ABCA13: variants seen among roughly 807,000 people sequenced by gnomAD.
ABCA13 encodes the protein ATP-binding cassette sub-family A member 13.
ABCA13 carries 476 observed loss-of-function variants against 478.7 expected under a neutral mutation model. That is an observed-to-expected ratio of 0.99 (90% CI 0.92 to 1.07). The LOEUF is 1.07. ABCA13 is among the 50% of genes least tolerant of loss of function. The pLI, the probability that ABCA13 is intolerant of heterozygous loss-of-function variation, is 0.00. For missense variants in ABCA13, 6,060 were observed against 5,910.6 expected (o/e 1.03, Z -0.83); for synonymous variants, 2,252 against 2,158.9 (o/e 1.04, Z -1.20).
intron 2 of ABCA13, among the ~76,000 whole-genome samples, chr7:48,193,976 G>T: frequency 6.8e-6 from 1 of 146,838 alleles, no homozygotes; most frequent in African/African-American, 2.5e-5. Context: ...AGATGATGGT[G>T]ATGATGATGG....
intron 42 of ABCA13, among the ~76,000 whole-genome samples, chr7:48,432,128 A>G (rs1822230913): frequency 6.6e-6 from 1 of 152,200 alleles, no homozygotes; most frequent in Admixed American, 6.5e-5. Flanking sequence ...GTTAAAGAAA[A>G]CAAGTAATGC....
intron 23 of ABCA13, among the ~76,000 whole-genome samples, chr7:48,305,517 C>G (rs918861470): frequency 3.3e-5 from 5 of 152,198 alleles, no homozygotes; most frequent in Non-Finnish European, 7.3e-5. Context: ...GACTCTCTCT[C>G]CCCATCATCT....
chr7:48,181,684 C>T (rs541805124), intron 1 of ABCA13, among the ~76,000 whole-genome samples: 12 of 152,042 alleles, frequency 7.9e-5, no homozygotes, highest in East Asian at 1.9e-4. Flanking sequence ...TTTTGGACTT[C>T]CTATGCCACT....
At chr7:48,219,565 T>C in intron 4 of ABCA13, 60 bp downstream of exon 4, 1 of 1,547,030 alleles carries the variant, frequency 6.5e-7, no homozygotes, top group South Asian at 1.3e-5. Flanking sequence ...AGGAGAGCTG[T>C]GGAGGCTATG....
At chr7:48,410,132 G>A (rs1191541878) in intron 39 of ABCA13, among the ~76,000 whole-genome samples, 1 of 146,546 alleles carries the variant, frequency 6.8e-6, no homozygotes, top group East Asian at 2.0e-4. Flanking sequence ...GAGGACTTTA[G>A]TATCTGAGGA....
intron 7 of ABCA13, 72 bp downstream of exon 7, chr7:48,230,027 G>A (rs1252922352): frequency 6.9e-7 from 1 of 1,454,888 alleles, no homozygotes; most frequent in Non-Finnish European, 9.2e-7. Context: ...AGTTGACATA[G>A]AGCTAAAATG....
intron 48 of ABCA13, among the ~76,000 whole-genome samples, chr7:48,493,695 A>G (rs1248192440): frequency 6.6e-6 from 1 of 152,238 alleles, no homozygotes; most frequent in African/African-American, 2.4e-5. Context: ...AATGTCATGA[A>G]CAAGCCAGAT....
At chr7:48,421,081 C>G (rs1240668619) in intron 41 of ABCA13, among the ~76,000 whole-genome samples, 1 of 152,334 alleles carries the variant, frequency 6.6e-6, no homozygotes. Context: ...CTGCTCCTGG[C>G]TGCCTGCTAC....
At position 48,639,056 on chromosome 7, in the gene ABCA13, G is replaced by A. The variant is rs17631762; in HGVS notation, c.14838-4232G>A. ...GAGATAGCAGCATCAGTATTTTGTGGGGATTAATTGGGATAATGTGTTTGG... is the reference window on the plus strand; with the variant it reads ...GAGATAGCAGCATCAGTATTTTGTGAGGATTAATTGGGATAATGTGTTTGG... On this transcript the variant is annotated intron_variant, in intron 59 of 61. Transcript: ENST00000435803. Among the ~76,000 whole-genome samples, 1,303 of 152,232 alleles carry A rather than the reference G, an allele frequency of 8.6e-3. 13 individuals carry two copies. The highest frequency in any genetic ancestry group is 0.014 in the Non-Finnish European group (975 of 68,022).
chr7:48,195,930 C>G (rs1797866724), intron 2 of ABCA13, among the ~76,000 whole-genome samples: 1 of 151,906 alleles, frequency 6.6e-6, no homozygotes, highest in Non-Finnish European at 1.5e-5. Flanking sequence ...TGAGGAGGGC[C>G]AGGCTGCAGC....
chr7:48,365,967 A>G (rs773401665), intron 31 of ABCA13, among the ~76,000 whole-genome samples: 5 of 152,170 alleles, frequency 3.3e-5, no homozygotes, highest in Non-Finnish European at 4.4e-5. Context: ...TAAAATACCA[A>G]TGACATTCCT....
At chr7:48,306,255 G>A (rs1250807137) in intron 23 of ABCA13, among the ~76,000 whole-genome samples, 1 of 152,144 alleles carries the variant, frequency 6.6e-6, no homozygotes, top group Admixed American at 6.5e-5. Flanking sequence ...AAAATTTCAG[G>A]ACAAATATTT....
At chr7:48,189,645 G>A (rs941788249) in intron 1 of ABCA13, among the ~76,000 whole-genome samples, 1 of 152,108 alleles carries the variant, frequency 6.6e-6, no homozygotes, top group Non-Finnish European at 1.5e-5. Flanking sequence ...GATCGGATGT[G>A]GATTTTTAAG....
intron 58 of ABCA13, among the ~76,000 whole-genome samples, chr7:48,614,281 C>T (rs971349320): frequency 2.0e-5 from 3 of 151,152 alleles, no homozygotes; most frequent in African/African-American, 2.4e-5. Context: ...TATTTTTGTA[C>T]TATTGCTAAA....
In ABCA13 at chr7:48,412,425, C is replaced by G; in HGVS notation, c.12301C>G (p.Gln4101Glu). Residue 4101 changes from glutamine (Q) to glutamate (E), a missense_variant, in exon 41 of 62, where the codon CAA (glutamine) becomes GAA (glutamate). Physicochemically the swap from Gln to Glu is conservative, Grantham distance 29 (BLOSUM62 2). This residue lies in a region of ABCA13 where 1,627 missense variants were observed against 1,571.0 expected (regional missense o/e 1.04). Transcript: ENST00000435803. The stretch of plus-strand genomic sequence containing the variant: ...ATCCCTGATAAAGATCTATATTCCA[C>G]AAGCATTTCTCAAAGACAGCAGTGG... ...VTSLIKIYIP[Q>E]AFLKDSSGSE... is the part of the protein sequence containing the mutation. The G allele has an allele frequency of 1.2e-6, 2 of 1,613,542 alleles. No individual in the cohort carries two copies. Among genetic ancestry groups the G allele is most frequent in the Non-Finnish European group, 1.7e-6 (2 of 1,179,838 alleles).
chr7:48,626,689 A>T (rs1183236129), intron 59 of ABCA13: 1 of 985,334 alleles, frequency 1.0e-6, no homozygotes, highest in Non-Finnish European at 1.2e-6. Flanking sequence ...AGAACACGAT[A>T]ATAGAACTTT....
At chr7:48,443,833 A>G (rs1823940644) in intron 42 of ABCA13, among the ~76,000 whole-genome samples, 1 of 151,868 alleles carries the variant, frequency 6.6e-6, no homozygotes, top group Non-Finnish European at 1.5e-5. Flanking sequence ...GAATAAATCC[A>G]TCCACCTCCC....
intron 52 of ABCA13, among the ~76,000 whole-genome samples, chr7:48,517,588 C>T (rs1832225952): frequency 6.6e-6 from 1 of 152,184 alleles, no homozygotes; most frequent in Non-Finnish European, 1.5e-5. Flanking sequence ...ACTCCTGTCT[C>T]CTCCCTTAGT....
chr7:48,255,944 C>T (rs998611464), intron 15 of ABCA13, among the ~76,000 whole-genome samples: 1 of 152,034 alleles, frequency 6.6e-6, no homozygotes, highest in African/African-American at 2.4e-5. Context: ...TAAGTGTTCC[C>T]GTTTCTCCAC....
Sources: gnomAD v4.1 joint callset for allele counts (sites outside exome capture counted in the v4.1 genomes callset) on GRCh38, gnomAD v4.1.1 for gene constraint, gnomAD v4.1.1 regional missense constraint, MANE v1.5 for transcripts, NCBI Gene and HGNC (gene_info 2026-07-23, HGNC 2026-07-21) for gene names.